HDAC4: variants seen among roughly 807,000 people sequenced by gnomAD.
HDAC4 encodes the protein histone deacetylase A.
A neutral mutation model predicts 135.1 loss-of-function variants in HDAC4; 16 were observed. That is an observed-to-expected ratio of 0.12 (90% CI 0.08 to 0.18). HDAC4 has a LOEUF of 0.18. Among genes scored for constraint, HDAC4 ranks in the 10% least tolerant of loss-of-function variants. HDAC4 has a pLI of 1.00. For missense variants in HDAC4, 1,143 were observed against 1,511.8 expected (o/e 0.76, Z 4.05); for synonymous variants, 685 against 653.4 (o/e 1.05, Z -0.74).
intron 2 of HDAC4, among the ~76,000 whole-genome samples, chr2:239,263,495 C>T (rs1357101151): frequency 6.6e-6 from 1 of 152,166 alleles, no homozygotes; most frequent in Non-Finnish European, 1.5e-5. Context: ...CCACCAGGAA[C>T]CCCCAGGCAG....
intron 2 of HDAC4, among the ~76,000 whole-genome samples, chr2:239,265,158 C>A (rs1055112705): frequency 2.0e-5 from 3 of 152,190 alleles, no homozygotes; most frequent in African/African-American, 7.2e-5. Context: ...CTTGCTGCTC[C>A]AGGTCACCCT....
chr2:239,213,529 C>G (rs910698562), intron 3 of HDAC4, among the ~76,000 whole-genome samples: 1 of 152,204 alleles, frequency 6.6e-6, no homozygotes, highest in Non-Finnish European at 1.5e-5. Flanking sequence ...GTTCTGGAGG[C>G]CCATCTATTG....
rs1219047757 is a variant in HDAC4 at position 239,240,943 on chromosome 2, C to T, written c.23-4279G>A. Among the ~76,000 whole-genome samples, 1 of 144,606 alleles carries T rather than the reference C, an allele frequency of 6.9e-6. No homozygotes were observed. The highest frequency in any genetic ancestry group is 1.5e-5 in the Non-Finnish European group (1 of 67,982). The allele number at this position is 144,606 out of a possible 152,430, so 94.9% of individuals were successfully genotyped here. On this transcript the variant is annotated intron_variant, in intron 2 of 26. Coordinates refer to ENST00000543185, the MANE Select transcript of HDAC4 (RefSeq NM_001378414.1). This position sits in a 1 kb window ranked among gnomAD's most constrained non-coding sequence, Gnocchi z 4.5. ...GCATCAGACGGGTAGGTATGTCTAA[C>T]CAGAAACCCGGCCTTCTGGAGCCAA...
At chr2:239,210,579 G>A (rs1433441341) in intron 3 of HDAC4, among the ~76,000 whole-genome samples, 1 of 152,150 alleles carries the variant, frequency 6.6e-6, no homozygotes, top group Non-Finnish European at 1.5e-5. Flanking sequence ...GGGCTCCCTT[G>A]GAGGAGACCG....
chr2:239,290,705 C>A (rs1307306115), intron 2 of HDAC4, among the ~76,000 whole-genome samples: 1 of 151,882 alleles, frequency 6.6e-6, no homozygotes, highest in Non-Finnish European at 1.5e-5. Flanking sequence ...CACACGCACG[C>A]ACACACTCAC....
At chr2:239,234,154 C>T (rs1009205509) in intron 3 of HDAC4, among the ~76,000 whole-genome samples, 18 of 152,186 alleles carry the variant, frequency 1.2e-4, no homozygotes, top group African/African-American at 4.1e-4. Flanking sequence ...AGGCACAGGC[C>T]ACTGTGCAGG....
At chr2:239,375,637 G>A (rs923005253) in intron 1 of HDAC4, among the ~76,000 whole-genome samples, 3 of 152,344 alleles carry the variant, frequency 2.0e-5, no homozygotes, top group African/African-American at 4.8e-5. Context: ...ATGACTGCAG[G>A]AGAGGGTCCT....
chr2:239,126,420 C>A (rs2040192114), intron 12 of HDAC4, 36 bp downstream of exon 12: 1 of 1,612,522 alleles, frequency 6.2e-7, no homozygotes, highest in African/African-American at 1.3e-5. Context: ...CACACAGCCG[C>A]CCTGGGGCCT....
rs945648087 is a variant in HDAC4, at chr2:239,303,214, G to C, written c.22+49464C>G. Among the ~76,000 whole-genome samples, 1 of 152,224 alleles carries C rather than the reference G, an allele frequency of 6.6e-6. No homozygotes were observed. The highest frequency in any genetic ancestry group is 2.4e-5 in the African/African-American group (1 of 41,460). On this transcript the variant is annotated intron_variant, in intron 2 of 26. Coordinates refer to ENST00000543185, the MANE Select transcript of HDAC4 (RefSeq NM_001378414.1). The surrounding 1 kb of genome is among the most constrained non-coding windows in gnomAD (Gnocchi z 5.1). ...CCCACACCCGGCTGCTCAGGCCTGG[G>C]GACAGGAGGGCACAGGGACAGGCCT...
chr2:239,385,727 A>G (rs1171968271), intron 1 of HDAC4, among the ~76,000 whole-genome samples: 1 of 152,236 alleles, frequency 6.6e-6, no homozygotes, highest in Non-Finnish European at 1.5e-5. Context: ...GCCTGACTGC[A>G]GCCTCGTCCA....
intron 1 of HDAC4, among the ~76,000 whole-genome samples, chr2:239,385,168 G>C (rs959418255): frequency 2.0e-5 from 3 of 152,132 alleles, no homozygotes; most frequent in Admixed American, 6.5e-5. Flanking sequence ...TGACTGCTTT[G>C]CGTGGAGGCC....
rs1306045458 is a variant in HDAC4, at chr2:239,115,534, A to C, written c.1534-224T>G. 1.3e-5 allele frequency among the ~76,000 whole-genome samples: 2 copies of C among 152,118 alleles called. No homozygotes were observed. Among genetic ancestry groups the C allele is most frequent in the Admixed American group, 6.6e-5 (1 of 15,226 alleles). Reference sequence around the variant, plus strand: ...CCCAGTAGGACCCCAGCCCAGGGTCAAGGTGACCTGGCCCAGGGAAGGAGG... The same window carrying C: ...CCCAGTAGGACCCCAGCCCAGGGTCCAGGTGACCTGGCCCAGGGAAGGAGG... On this transcript the variant is annotated intron_variant, in intron 12 of 26. Transcript: ENST00000543185. This position sits in a 1 kb window ranked among gnomAD's most constrained non-coding sequence, Gnocchi z 6.3.
At chr2:239,386,447 A>C (rs758884335) in intron 1 of HDAC4, among the ~76,000 whole-genome samples, 1 of 152,062 alleles carries the variant, frequency 6.6e-6, no homozygotes, top group Non-Finnish European at 1.5e-5. Context: ...TCCCAAGAGG[A>C]GCGTCAGCTG....
intron 2 of HDAC4, among the ~76,000 whole-genome samples, chr2:239,310,313 C>T (rs966415450): frequency 6.6e-6 from 1 of 152,254 alleles, no homozygotes; most frequent in East Asian, 1.9e-4. Flanking sequence ...GTCCCTCAAG[C>T]CTGGTCCAGA....
chr2:239,080,994 G>A (rs2035261938), intron 22 of HDAC4, 101 bp downstream of exon 22: 1 of 885,814 alleles, frequency 1.1e-6, no homozygotes, highest in East Asian at 2.6e-5. Context: ...TTCAGCCACA[G>A]ACCAGTTTCA....
intron 22 of HDAC4, among the ~76,000 whole-genome samples, chr2:239,073,340 G>A (rs2034394787): frequency 6.6e-6 from 1 of 152,234 alleles, no homozygotes; most frequent in Non-Finnish European, 1.5e-5. Context: ...TAGGGGCTGA[G>A]GAAACAAGGT....
At chr2:239,160,848 G>A (rs988600773) in intron 6 of HDAC4, among the ~76,000 whole-genome samples, 2 of 152,230 alleles carry the variant, frequency 1.3e-5, no homozygotes, top group African/African-American at 2.4e-5. Context: ...GGGTCACAGG[G>A]TTGGTGGGTA....
At chr2:239,353,398 T>C (rs1693290239) in intron 1 of HDAC4, among the ~76,000 whole-genome samples, 1 of 152,158 alleles carries the variant, frequency 6.6e-6, no homozygotes, top group Non-Finnish European at 1.5e-5. Context: ...GCAGTGGGAT[T>C]TTTGTTAGTA....
In HDAC4 at chr2:239,162,401, C is replaced by T. The variant is rs909581600; in HGVS notation, c.611+1402G>A. The stretch of plus-strand genomic sequence containing the variant: ...GGCCCCAGGGGCACCATCTGAACCA[C>T]GATCCACACTCCTGTCCCTTGCTCC... On this transcript the variant is annotated intron_variant, in intron 6 of 26. Coordinates refer to ENST00000543185, the MANE Select transcript of HDAC4 (RefSeq NM_001378414.1). 11 of 449,110 alleles carry T rather than the reference C, an allele frequency of 2.4e-5. 1 individual carries two copies. Among genetic ancestry groups the T allele is most frequent in the Middle Eastern group, 7.3e-4 (2 of 2,742 alleles). The allele number at this position is 449,110 out of a possible 1,614,324, so 27.8% of individuals were successfully genotyped here. A position where few individuals can be genotyped will look rare whatever the true frequency, so the allele number is the denominator to read the frequency against.
Sources: gnomAD v4.1 joint callset for allele counts (sites outside exome capture counted in the v4.1 genomes callset) on GRCh38, gnomAD v4.1.1 for gene constraint, Gnocchi (gnomAD v3.1) non-coding constraint, MANE v1.5 for transcripts, NCBI Gene and HGNC (gene_info 2026-07-23, HGNC 2026-07-21) for gene names.